The following RAMP1 variants were observed in gnomAD, a reference collection of about 807,000 sequenced individuals.
RAMP1 encodes receptor activity-modifying protein 1.
In RAMP1, 7 loss-of-function variants were observed where a neutral mutation model predicts 8.2. That is an observed-to-expected ratio of 0.85 (90% CI 0.49 to 1.60). The LOEUF (loss-of-function observed/expected upper bound fraction) is 1.60. Ranked by LOEUF, RAMP1 falls within the 40% of genes most tolerant of loss-of-function variation. The pLI is 0.00. For synonymous variants in RAMP1, 92 were observed against 84.7 expected, an observed-to-expected ratio of 1.09 and a Z score of -0.47; for missense variants, 192 against 202.4, an observed-to-expected ratio of 0.95 and a Z score of 0.31.
chr2:237,910,344 G>GTC (rs1237039550), intron 2 of RAMP1, among the ~76,000 whole-genome samples: 1 of 149,608 alleles, frequency 6.7e-6, no homozygotes, highest in Non-Finnish European at 1.5e-5. Context: ...GAATAACACA[G>GTC]TCACACACAC....
chr2:237,867,655 G>T (rs1270879268), intron 1 of RAMP1, among the ~76,000 whole-genome samples: 1 of 152,226 alleles, frequency 6.6e-6, no homozygotes, highest in African/African-American at 2.4e-5. Flanking sequence ...CACAGGAGAA[G>T]TGGTCAGAGG....
At chr2:237,864,564 C>T (rs2062166913) in intron 1 of RAMP1, among the ~76,000 whole-genome samples, 1 of 152,190 alleles carries the variant, frequency 6.6e-6, no homozygotes, top group Admixed American at 6.5e-5. Context: ...TGCCACCTCA[C>T]ACACGGGACA....
intron 2 of RAMP1, among the ~76,000 whole-genome samples, chr2:237,891,184 CTG>C (rs1203079633): frequency 1.2e-5 from 1 of 84,782 alleles, no homozygotes. Context: ...GAGTCTCACT[CTG>C]TCACCCAGAG....
intron 2 of RAMP1, among the ~76,000 whole-genome samples, chr2:237,909,595 G>A (rs141944196): frequency 1.2e-4 from 18 of 152,276 alleles, no homozygotes; most frequent in South Asian, 6.2e-4. Context: ...AGAAGGAGCC[G>A]GCGTGGTCTG....
At position 237,865,590 on chromosome 2, in the gene RAMP1, G is replaced by A. The variant is rs952780031; in HGVS notation, c.52+5863G>A. ...CCTCAGCAGCCACATGGGGTTCAGC[G>A]TTCCCCTTGGATTCTGAGGGGTGAT... On this transcript the variant is annotated intron_variant, in intron 1 of 2. Coordinates refer to ENST00000254661, the MANE Select transcript of RAMP1 (RefSeq NM_005855.4). The surrounding 1 kb of genome is among the most constrained non-coding windows in gnomAD (Gnocchi z 4.2). Among the ~76,000 whole-genome samples, 5 of 152,204 alleles carry A rather than the reference G, an allele frequency of 3.3e-5. No homozygotes were observed. The highest frequency in any genetic ancestry group is 7.2e-5 in the African/African-American group (3 of 41,454).
chr2:237,896,379 A>C (rs1241705578), intron 2 of RAMP1, among the ~76,000 whole-genome samples: 1 of 152,186 alleles, frequency 6.6e-6, no homozygotes, highest in East Asian at 1.9e-4. Flanking sequence ...TTCTCCCAGC[A>C]TGGGCAGAGG....
chr2:237,867,858 T>C (rs916862790), intron 1 of RAMP1, among the ~76,000 whole-genome samples: 1 of 152,194 alleles, frequency 6.6e-6, no homozygotes, highest in Non-Finnish European at 1.5e-5. Context: ...ATACAGGTTG[T>C]GGACCCTTAT....
chr2:237,869,677 G>A (rs1001929836), intron 1 of RAMP1, among the ~76,000 whole-genome samples: 4 of 152,220 alleles, frequency 2.6e-5, no homozygotes, highest in African/African-American at 9.7e-5. Flanking sequence ...GGACACGTGG[G>A]TTGCTTCCAC....
chr2:237,900,934 C>T (rs1010780147), intron 2 of RAMP1, among the ~76,000 whole-genome samples: 6 of 152,236 alleles, frequency 3.9e-5, no homozygotes, highest in African/African-American at 1.4e-4. Flanking sequence ...CTTTATCAGA[C>T]AGTCACTGCA....
chr2:237,898,733 A>T (rs1559951370), intron 2 of RAMP1, among the ~76,000 whole-genome samples: 1 of 152,234 alleles, frequency 6.6e-6, no homozygotes, highest in Non-Finnish European at 1.5e-5. Context: ...GGGAAGCTAC[A>T]CTGCGTGGGC....
chr2:237,886,547 G>C (rs886707300), intron 2 of RAMP1, among the ~76,000 whole-genome samples: 5 of 152,118 alleles, frequency 3.3e-5, no homozygotes, highest in African/African-American at 1.2e-4. Flanking sequence ...CTCGTGTTGG[G>C]GGAGCTTGGA....
In RAMP1 at chr2:237,896,256, C is replaced by T. The variant is rs181906901; in HGVS notation, c.192-15272C>T. 8.9e-4 allele frequency among the ~76,000 whole-genome samples: 135 copies of T among 152,342 alleles called. 1 individual carries two copies. Among genetic ancestry groups the T allele is most frequent in the African/African-American group, 3.0e-3 (126 of 41,582 alleles). On this transcript the variant is annotated intron_variant, in intron 2 of 2. Transcript: ENST00000254661. ...TCTCAGAGGAGGTATTATGCCCGTCCGCCCGCCTGCTGTGGCTGCTCTGTG... is the reference window on the plus strand; with the variant it reads ...TCTCAGAGGAGGTATTATGCCCGTCTGCCCGCCTGCTGTGGCTGCTCTGTG...
At position 237,911,828 on chromosome 2, in the gene RAMP1, G is replaced by T; in HGVS notation, c.*45G>T. On this transcript the variant is annotated 3_prime_UTR_variant, in exon 3 of 3. Transcript: ENST00000254661. ...CGGGTGCACCCAGGCTGCAGGGTGAGGCCAGGCAGGCCTGGGTAGGGGCAG... is the reference window on the plus strand; with the variant it reads ...CGGGTGCACCCAGGCTGCAGGGTGATGCCAGGCAGGCCTGGGTAGGGGCAG... The T allele has an allele frequency of 6.5e-7, 1 of 1,544,126 alleles. No homozygotes were observed. The highest frequency in any genetic ancestry group is 8.8e-7 in the Non-Finnish European group (1 of 1,141,430).
At chr2:237,879,254 G>A (rs533557873) in intron 2 of RAMP1, among the ~76,000 whole-genome samples, 1 of 151,534 alleles carries the variant, frequency 6.6e-6, no homozygotes, top group African/African-American at 2.4e-5. Context: ...TGTGTAGATT[G>A]ATTGTGAACG....
intron 2 of RAMP1, among the ~76,000 whole-genome samples, chr2:237,886,445 TG>T (rs1239139261): frequency 1.3e-5 from 2 of 152,134 alleles, no homozygotes; most frequent in Non-Finnish European, 2.9e-5. Context: ...CCTGCTGGGC[TG>T]GGGGGCTCTG....
At position 237,865,304 on chromosome 2, in the gene RAMP1, A is replaced by T. The variant is rs1284433716; in HGVS notation, c.52+5577A>T. ...AGGGGAGAGCAGGGGAGAGGAGAGG[A>T]GGGGAGGGCAGGGGAGAAGAGAGGA... On this transcript the variant is annotated intron_variant, in intron 1 of 2. Coordinates refer to ENST00000254661, the MANE Select transcript of RAMP1 (RefSeq NM_005855.4). This position sits in a 1 kb window ranked among gnomAD's most constrained non-coding sequence, Gnocchi z 4.2. Among the ~76,000 whole-genome samples the T allele has an allele frequency of 1.9e-5, 1 of 51,496 alleles. No homozygotes were observed. Among genetic ancestry groups the T allele is most frequent in the Non-Finnish European group, 3.5e-5 (1 of 28,270 alleles). 33.8% of individuals were successfully genotyped at this position (51,496 alleles called of 152,430 possible).
chr2:237,885,848 A>G (rs1434640224), intron 2 of RAMP1, among the ~76,000 whole-genome samples: 1 of 151,902 alleles, frequency 6.6e-6, no homozygotes, highest in African/African-American at 2.4e-5. Context: ...TCCAGAGCAC[A>G]CCCCAGGGGC....
intron 1 of RAMP1, among the ~76,000 whole-genome samples, chr2:237,867,476 G>A (rs2062199895): frequency 1.1e-5 from 1 of 93,918 alleles, no homozygotes; most frequent in Non-Finnish European, 2.1e-5. Flanking sequence ...CTTTTTTATT[G>A]TATTTTTGTG....
intron 2 of RAMP1, among the ~76,000 whole-genome samples, chr2:237,902,300 G>A (rs1259571443): frequency 9.6e-5 from 14 of 145,792 alleles, no homozygotes; most frequent in Non-Finnish European, 1.8e-4. Flanking sequence ...TCGGGAGGAG[G>A]AGGAGGGGCT....
Sources: gnomAD v4.1 joint callset for allele counts (sites outside exome capture counted in the v4.1 genomes callset) on GRCh38, gnomAD v4.1.1 for gene constraint, Gnocchi (gnomAD v3.1) non-coding constraint, MANE v1.5 for transcripts, NCBI Gene and HGNC (gene_info 2026-07-23, HGNC 2026-07-21) for gene names.